Variants in ZNF892 observed in about 807,000 individuals in gnomAD.
ZNF892 encodes the protein zinc finger protein 570-like.
At chr2:95,238,182 G>A in the ZNF892 span, among the ~76,000 whole-genome samples, 4 of 152,240 alleles carry the variant, frequency 2.6e-5, no homozygotes, top group Non-Finnish European at 5.9e-5. Flanking sequence ...AGAAGTCAAT[G>A]TGTGGCTTCA....
At chr2:95,250,042 C>T in the ZNF892 span, among the ~76,000 whole-genome samples, 5 of 152,198 alleles carry the variant, frequency 3.3e-5, no homozygotes, top group East Asian at 9.6e-4. Flanking sequence ...GTGAAAATTT[C>T]ATGAGACATT....
the ZNF892 span, among the ~76,000 whole-genome samples, chr2:95,254,724 G>A: frequency 7.2e-5 from 11 of 152,048 alleles, no homozygotes; most frequent in Admixed American, 2.6e-4. Context: ...ACTTTTTTTG[G>A]TTGGTAAGCT....
chr2:95,207,342 C>A, the ZNF892 span, among the ~76,000 whole-genome samples: 1 of 152,338 alleles, frequency 6.6e-6, no homozygotes, highest in Non-Finnish European at 1.5e-5. Context: ...GAGGGAGGAG[C>A]GGCCCTTCCA....
chr2:95,228,718 C>T, the ZNF892 span, among the ~76,000 whole-genome samples: 2 of 152,152 alleles, frequency 1.3e-5, no homozygotes, highest in African/African-American at 4.8e-5. Flanking sequence ...TTAGTGCAGG[C>T]ATTCTCATGA....
chr2:95,239,760 T>C, the ZNF892 span, among the ~76,000 whole-genome samples: 1 of 152,174 alleles, frequency 6.6e-6, no homozygotes, highest in Non-Finnish European at 1.5e-5. Context: ...CCCTAGTAGC[T>C]GGGATTACAG....
the ZNF892 span, among the ~76,000 whole-genome samples, chr2:95,234,471 C>T: frequency 6.6e-6 from 1 of 152,204 alleles, no homozygotes; most frequent in Admixed American, 6.5e-5. Context: ...GCCAAGGAGA[C>T]TCTGGACGGA....
At chr2:95,218,331 C>T in the ZNF892 span, among the ~76,000 whole-genome samples, 1 of 152,352 alleles carries the variant, frequency 6.6e-6, no homozygotes, top group East Asian at 1.9e-4. Context: ...ACCCAAGCTG[C>T]ACCTTCAGTG....
At chr2:95,245,794 C>T in the ZNF892 span, among the ~76,000 whole-genome samples, 2 of 152,050 alleles carry the variant, frequency 1.3e-5, no homozygotes, top group Non-Finnish European at 2.9e-5. Context: ...TGGACACATA[C>T]ACCCTCTCAA....
the ZNF892 span, among the ~76,000 whole-genome samples, chr2:95,238,846 A>C: frequency 6.6e-6 from 1 of 152,346 alleles, no homozygotes; most frequent in East Asian, 1.9e-4. Flanking sequence ...TAGAATTAGA[A>C]GTGGAGCCTG....
the ZNF892 span, among the ~76,000 whole-genome samples, chr2:95,257,552 G>A: frequency 5.3e-5 from 8 of 152,142 alleles, no homozygotes; most frequent in Admixed American, 5.2e-4. Flanking sequence ...GTGCATTCTC[G>A]GATCTCCAGC....
At chr2:95,258,913 T>G in the ZNF892 span, among the ~76,000 whole-genome samples, 1 of 152,116 alleles carries the variant, frequency 6.6e-6, no homozygotes, top group Non-Finnish European at 1.5e-5. Context: ...TTATGTAAGT[T>G]TTACATAACA....
the ZNF892 span, among the ~76,000 whole-genome samples, chr2:95,219,109 C>T: frequency 1.3e-5 from 2 of 152,044 alleles, no homozygotes; most frequent in African/African-American, 4.8e-5. Context: ...CGCCATTCTC[C>T]TGCCTCAGCC....
At chr2:95,251,220 T>C in the ZNF892 span, among the ~76,000 whole-genome samples, 1 of 152,124 alleles carries the variant, frequency 6.6e-6, no homozygotes, top group Non-Finnish European at 1.5e-5. Flanking sequence ...TCTTAAATCT[T>C]AGCCATGAGT....
the ZNF892 span, among the ~76,000 whole-genome samples, chr2:95,226,143 G>A: frequency 6.6e-6 from 1 of 152,164 alleles, no homozygotes; most frequent in Admixed American, 6.5e-5. Flanking sequence ...TGCCTTAGTG[G>A]GGTCTCTTTA....
the ZNF892 span, among the ~76,000 whole-genome samples, chr2:95,218,103 A>G: frequency 2.6e-5 from 4 of 152,118 alleles, no homozygotes; most frequent in African/African-American, 4.8e-5. Flanking sequence ...AATCCCATTT[A>G]TATTCCTGGC....
the ZNF892 span, among the ~76,000 whole-genome samples, chr2:95,217,024 T>G: frequency 6.6e-6 from 1 of 152,224 alleles, no homozygotes; most frequent in Non-Finnish European, 1.5e-5. Context: ...CTAACAGTTC[T>G]GGAGGCTGGG....
the ZNF892 span, among the ~76,000 whole-genome samples, chr2:95,225,597 G>T: frequency 9.0e-3 from 1,364 of 152,312 alleles, 15 homozygotes; most frequent in African/African-American, 0.03. Flanking sequence ...ATGAGTTTTG[G>T]AGGGGGTAAA....
At chr2:95,219,095 T>C in the ZNF892 span, among the ~76,000 whole-genome samples, 13 of 152,130 alleles carry the variant, frequency 8.5e-5, no homozygotes, top group Non-Finnish European at 1.8e-4. Context: ...ACCTCCCAGG[T>C]TCACGCCATT....
the ZNF892 span, among the ~76,000 whole-genome samples, chr2:95,231,902 G>A: frequency 1.3e-5 from 2 of 152,148 alleles, no homozygotes. Context: ...CTGGAGAGCG[G>A]GTGCTATTGT....
Sources: allele counts gnomAD v4.1 joint callset (sites outside exome capture counted in the v4.1 genomes callset), GRCh38; gene constraint gnomAD v4.1.1; transcripts MANE v1.5; gene names NCBI Gene and HGNC (gene_info 2026-07-23, HGNC 2026-07-21).